CDH18: variants seen among roughly 807,000 people sequenced by gnomAD.
CDH18 encodes the protein cadherin 18.
In CDH18, 31 loss-of-function variants were observed where a neutral mutation model predicts 67.9. That is an observed-to-expected ratio of 0.46 (90% CI 0.34 to 0.62). The LOEUF (loss-of-function observed/expected upper bound fraction) is 0.62, where lower values mean the gene tolerates loss of function less well. CDH18 is among the 20% of genes least tolerant of loss of function. CDH18 has a pLI of 0.01. For synonymous variants in CDH18, 362 were observed against 347.2 expected (o/e 1.04, Z -0.48); for missense variants, 890 against 975.5 (o/e 0.91, Z 1.17).
intron 11 of CDH18, among the ~76,000 whole-genome samples, chr5:19,499,827 G>T (rs1301923703): frequency 1.3e-5 from 2 of 151,734 alleles, no homozygotes; most frequent in African/African-American, 4.8e-5. Context: ...TGAAAAATCT[G>T]TTTCTGTGCC....
intron 2 of CDH18, among the ~76,000 whole-genome samples, chr5:19,916,817 TG>T (rs1296599529): frequency 6.6e-6 from 1 of 152,314 alleles, no homozygotes; most frequent in East Asian, 1.9e-4. Context: ...GTAGCTATTT[TG>T]GTTAACTTGG....
At chr5:20,446,545 G>T (rs2150199651) in intron 1 of CDH18, among the ~76,000 whole-genome samples, 1 of 152,234 alleles carries the variant, frequency 6.6e-6, no homozygotes, top group South Asian at 2.1e-4. Flanking sequence ...TGCCCCCAAA[G>T]AAATAAGAGA....
intron 3 of CDH18, among the ~76,000 whole-genome samples, chr5:19,774,480 A>G (rs1032945206): frequency 1.1e-4 from 14 of 127,184 alleles, no homozygotes; most frequent in Non-Finnish European, 2.1e-4. Context: ...GGAAATACTG[A>G]TATTAGGTAG....
chr5:19,514,605 A>C (rs1004563478), intron 10 of CDH18, among the ~76,000 whole-genome samples: 1 of 152,322 alleles, frequency 6.6e-6, no homozygotes, highest in East Asian at 1.9e-4. Flanking sequence ...AGTGATGATG[A>C]GCATTTTTTC....
chr5:20,170,490 G>A (rs571737824), intron 2 of CDH18, among the ~76,000 whole-genome samples: 205 of 151,890 alleles, frequency 1.3e-3, no homozygotes, highest in African/African-American at 4.9e-3. Flanking sequence ...AATATTCTAA[G>A]TGTTAAATAA....
intron 6 of CDH18, among the ~76,000 whole-genome samples, chr5:19,602,495 T>C (rs1271824667): frequency 2.0e-5 from 3 of 151,562 alleles, no homozygotes; most frequent in African/African-American, 4.9e-5. Flanking sequence ...ATCTTTTAAA[T>C]AGGCAAAGAA....
chr5:20,512,606 GA>G (rs1755109828), intron 1 of CDH18, among the ~76,000 whole-genome samples: 1 of 152,042 alleles, frequency 6.6e-6, no homozygotes, highest in Non-Finnish European at 1.5e-5. Context: ...TCAGCTGGCT[GA>G]GTGTGGTGGG....
intron 2 of CDH18, among the ~76,000 whole-genome samples, chr5:20,028,225 T>A (rs1739088160): frequency 6.6e-6 from 1 of 152,114 alleles, no homozygotes; most frequent in South Asian, 2.1e-4. Context: ...ATAAGATATA[T>A]TTGTCTTGTC....
intron 1 of CDH18, among the ~76,000 whole-genome samples, chr5:20,489,813 T>C (rs1483596498): frequency 1.3e-5 from 2 of 152,058 alleles, no homozygotes; most frequent in African/African-American, 4.8e-5. Context: ...AAAATAACCA[T>C]GGTTACTGTA....
chr5:19,764,396 G>C (rs935865243), intron 3 of CDH18, among the ~76,000 whole-genome samples: 1 of 151,704 alleles, frequency 6.6e-6, no homozygotes, highest in Admixed American at 6.6e-5. Context: ...GTCAAAATAC[G>C]ATATAATGTA....
chr5:19,847,623 C>A (rs897568752), intron 2 of CDH18, among the ~76,000 whole-genome samples: 1 of 151,838 alleles, frequency 6.6e-6, no homozygotes, highest in African/African-American at 2.4e-5. Flanking sequence ...TTTGATTGAG[C>A]CCTGTTTTCC....
intron 2 of CDH18, among the ~76,000 whole-genome samples, chr5:19,908,979 G>A (rs1790830945): frequency 6.6e-6 from 1 of 152,084 alleles, no homozygotes; most frequent in Non-Finnish European, 1.5e-5. Flanking sequence ...CATATTTTGG[G>A]CCAGCCACAG....
Position 19,597,606 on chromosome 5 carries a change from GA to G in CDH18, c.812-6363del, listed in dbSNP as rs572260653. ...TTTATACTTTGATATATTTCTAACA[GA>G]AAAAAAAACAAATAAAAAATGTCAT... On this transcript the variant is annotated intron_variant, in intron 6 of 12. Transcript: ENST00000382275. 8.0e-5 allele frequency among the ~76,000 whole-genome samples: 12 copies of G among 149,150 alleles called. No homozygotes were observed. In the East Asian group the frequency reaches 1.4e-3, roughly 17 times the overall value.
At chr5:20,121,571 A>AC (rs1346185361) in intron 2 of CDH18, among the ~76,000 whole-genome samples, 1 of 152,184 alleles carries the variant, frequency 6.6e-6, no homozygotes, top group Non-Finnish European at 1.5e-5. Context: ...GCAAGACACA[A>AC]CCAGATGGAA....
intron 3 of CDH18, among the ~76,000 whole-genome samples, chr5:19,784,522 A>AT (rs1260423357): frequency 6.6e-6 from 1 of 151,966 alleles, no homozygotes. Flanking sequence ...CTTTGTTTCA[A>AT]TTTTTTTGCT....
chr5:19,771,044 C>T (rs1773670866), intron 3 of CDH18, among the ~76,000 whole-genome samples: 1 of 152,090 alleles, frequency 6.6e-6, no homozygotes, highest in Admixed American at 6.6e-5. Flanking sequence ...TTTGAGATAA[C>T]ACTATAATGG....
chr5:19,711,883 C>A (rs1655037224), intron 5 of CDH18, among the ~76,000 whole-genome samples: 1 of 152,002 alleles, frequency 6.6e-6, no homozygotes. Flanking sequence ...TTATTTAGAA[C>A]TATTCACAAT....
chr5:19,662,886 T>C (rs112760442), intron 5 of CDH18, among the ~76,000 whole-genome samples: 34 of 152,160 alleles, frequency 2.2e-4, no homozygotes, highest in African/African-American at 7.9e-4. Context: ...GCTTATAATT[T>C]AAGCTAAGCT....
intron 2 of CDH18, among the ~76,000 whole-genome samples, chr5:20,058,088 C>T (rs987497721): frequency 6.6e-6 from 1 of 152,068 alleles, no homozygotes. Context: ...TTGACCTAGG[C>T]GCTAATTTCT....
Sources: gnomAD v4.1 joint callset for allele counts (sites outside exome capture counted in the v4.1 genomes callset) on GRCh38, gnomAD v4.1.1 for gene constraint, MANE v1.5 for transcripts, NCBI Gene and HGNC (gene_info 2026-07-23, HGNC 2026-07-21) for gene names.